PARD3B: variants seen among roughly 807,000 people sequenced by gnomAD.
PARD3B encodes the protein par-3 family cell polarity regulator beta.
PARD3B carries 103 observed loss-of-function variants against 130.2 expected under a neutral mutation model. The ratio of observed to expected loss-of-function variants is 0.79; its 90% CI spans 0.67 to 0.93. The LOEUF is 0.93. Ranked by LOEUF, PARD3B falls within the 40% of genes least tolerant of loss-of-function variation. The pLI is 0.00. For missense variants in PARD3B, 1,609 were observed against 1,499.2 expected, an observed-to-expected ratio of 1.07 and a Z score of -1.21; for synonymous variants, 583 against 553.2, an observed-to-expected ratio of 1.05 and a Z score of -0.76.
chr2:204,614,502 T>G (rs1053169355), intron 1 of PARD3B, among the ~76,000 whole-genome samples: 1 of 152,166 alleles, frequency 6.6e-6, no homozygotes, highest in Admixed American at 6.6e-5. Context: ...AAACTAAAAC[T>G]GAGATATTAC....
chr2:204,987,012 C>G (rs368002737), intron 3 of PARD3B, among the ~76,000 whole-genome samples: 23 of 152,070 alleles, frequency 1.5e-4, no homozygotes, highest in African/African-American at 5.6e-4. Context: ...AACAAACTTC[C>G]CAAGTGTCTA....
intron 4 of PARD3B, among the ~76,000 whole-genome samples, chr2:205,072,998 A>C (rs2125490378): frequency 6.6e-6 from 1 of 152,310 alleles, no homozygotes; most frequent in South Asian, 2.1e-4. Flanking sequence ...GATTTTCCTA[A>C]GTCCTATCTT....
At chr2:204,966,835 T>G (rs1458219268) in intron 3 of PARD3B, among the ~76,000 whole-genome samples, 1 of 152,210 alleles carries the variant, frequency 6.6e-6, no homozygotes, top group Non-Finnish European at 1.5e-5. Context: ...ATTTATTACA[T>G]GAGTACACAC....
intron 22 of PARD3B, among the ~76,000 whole-genome samples, chr2:205,573,611 A>G (rs2106553384): frequency 6.6e-6 from 1 of 152,298 alleles, no homozygotes; most frequent in Middle Eastern, 3.4e-3. Flanking sequence ...GCTTTGTTTG[A>G]TTTTTGTGCC....
rs569640038 is a variant in PARD3B at position 205,618,964 on chromosome 2, C to A, written c.*3151C>A. 2.0e-5 allele frequency: 3 copies of A among 152,226 alleles called. No individual in the cohort carries two copies. The East Asian group carries it at 5.8e-4, about 29-fold the overall frequency. The allele number at this position is 152,226 out of a possible 1,614,324, so 9.4% of individuals were successfully genotyped here. The stretch of plus-strand genomic sequence containing the variant: ...ATTCTGAAGCTCATTATTCTTAGAT[C>A]TGTAGATATATATGTGTTGACTCCC... On this transcript the variant is annotated 3_prime_UTR_variant, in exon 23 of 23. Coordinates refer to ENST00000406610, the MANE Select transcript of PARD3B (RefSeq NM_001302769.2).
At chr2:204,788,169 A>G (rs143020978) in intron 2 of PARD3B, among the ~76,000 whole-genome samples, 8 of 152,348 alleles carry the variant, frequency 5.3e-5, no homozygotes, top group Non-Finnish European at 1.2e-4. Context: ...TAGAATACAT[A>G]TAGTTTAATG....
At position 205,460,219 on chromosome 2, in the gene PARD3B, T is replaced by C. The variant is rs755997674; in HGVS notation, c.3044+19547T>C. On this transcript the variant is annotated intron_variant, in intron 20 of 22. Coordinates refer to ENST00000406610, the MANE Select transcript of PARD3B (RefSeq NM_001302769.2). The surrounding 1 kb of genome is among the most constrained non-coding windows in gnomAD (Gnocchi z 4.9). ...AGTAGTAATTTTCAGATCATTTGAG[T>C]CTAAATGCAGCTTTGAGGATATGCA... 6.6e-6 allele frequency among the ~76,000 whole-genome samples: 1 copy of C among 152,200 alleles called. No homozygotes were observed. The highest frequency in any genetic ancestry group is 1.5e-5 in the Non-Finnish European group (1 of 68,028).
intron 15 of PARD3B, among the ~76,000 whole-genome samples, chr2:205,198,476 T>A (rs929401781): frequency 6.6e-6 from 1 of 152,216 alleles, no homozygotes; most frequent in Non-Finnish European, 1.5e-5. Context: ...GATTAGTGAT[T>A]CACCAGTTTT....
At chr2:205,076,601 G>A (rs1168626581) in intron 4 of PARD3B, among the ~76,000 whole-genome samples, 1 of 152,138 alleles carries the variant, frequency 6.6e-6, no homozygotes, top group Non-Finnish European at 1.5e-5. Flanking sequence ...GTAAGCAGTA[G>A]GCAAGAAAGC....
chr2:205,609,288 T>C (rs17626122), intron 22 of PARD3B, among the ~76,000 whole-genome samples: 69,012 of 151,976 alleles, frequency 0.45, 17,188 homozygotes, highest in East Asian at 0.83. Flanking sequence ...TATTAGTTTG[T>C]GCTGATTTTT....
At chr2:205,518,277 A>T (rs1280101711) in intron 21 of PARD3B, among the ~76,000 whole-genome samples, 9 of 152,130 alleles carry the variant, frequency 5.9e-5, no homozygotes, top group African/African-American at 2.2e-4. Context: ...CTGGGTTTAT[A>T]TATATTTAGG....
At chr2:205,412,999 G>C (rs2046652842) in intron 19 of PARD3B, among the ~76,000 whole-genome samples, 1 of 152,180 alleles carries the variant, frequency 6.6e-6, no homozygotes, top group Non-Finnish European at 1.5e-5. Flanking sequence ...GCCAGGCACA[G>C]AGACAGCCAA....
intron 18 of PARD3B, among the ~76,000 whole-genome samples, chr2:205,323,413 G>A (rs1024634446): frequency 6.6e-6 from 1 of 152,112 alleles, no homozygotes; most frequent in African/African-American, 2.4e-5. Flanking sequence ...AGCACATGTA[G>A]AGCTCAACTT....
chr2:205,488,829 GC>G (rs2049551206), intron 20 of PARD3B, among the ~76,000 whole-genome samples: 1 of 152,088 alleles, frequency 6.6e-6, no homozygotes. Flanking sequence ...TTGCTATTCT[GC>G]CCCCAAGCCT....
intron 15 of PARD3B, among the ~76,000 whole-genome samples, chr2:205,238,721 A>G (rs1264514688): frequency 6.7e-6 from 1 of 149,512 alleles, no homozygotes. Context: ...AATCCCAGAT[A>G]CTTGGGAGGC....
chr2:205,185,262 T>TTGTG lies in PARD3B; in HGVS notation c.1925-484_1925-481dup, dbSNP rs141373746. Among the ~76,000 whole-genome samples, 613 of 150,146 alleles carry TTGTG rather than the reference T, an allele frequency of 4.1e-3. 5 individuals are homozygous for TTGTG. The highest frequency in any genetic ancestry group is 0.013 in the African/African-American group (521 of 41,030). ...AAAAAAAGAGCGCACGTTTGTGTGT[T>TTGTG]TGTGTGTGTGTGTGTGTGTGTTTAT... On this transcript the variant is annotated intron_variant, in intron 13 of 22. Transcript: ENST00000406610.
intron 16 of PARD3B, 25 bp downstream of exon 16, chr2:205,245,847 A>C: frequency 6.4e-7 from 1 of 1,552,340 alleles, no homozygotes; most frequent in Non-Finnish European, 8.9e-7. Context: ...GTAACTGACT[A>C]TATTCCTCTT....
At chr2:204,935,145 A>G (rs113245434) in intron 2 of PARD3B, among the ~76,000 whole-genome samples, 3 of 116,788 alleles carry the variant, frequency 2.6e-5, no homozygotes, top group South Asian at 2.4e-4. Flanking sequence ...TGTTTTCCCT[A>G]CTTTTTTTTT....
At chr2:205,052,702 A>G (rs2125427217) in intron 4 of PARD3B, among the ~76,000 whole-genome samples, 1 of 152,174 alleles carries the variant, frequency 6.6e-6, no homozygotes, top group African/African-American at 2.4e-5. Context: ...GAAGTTAAGA[A>G]GTAGAGAATT....
Sources: gnomAD v4.1 joint callset for allele counts (sites outside exome capture counted in the v4.1 genomes callset) on GRCh38, gnomAD v4.1.1 for gene constraint, Gnocchi (gnomAD v3.1) non-coding constraint, MANE v1.5 for transcripts, NCBI Gene and HGNC (gene_info 2026-07-23, HGNC 2026-07-21) for gene names.